POLR1F: variants seen among roughly 807,000 people sequenced by gnomAD.
The protein encoded by POLR1F is DNA-directed RNA polymerase I subunit RPA43.
Under a neutral mutation model 21.8 loss-of-function variants are expected in POLR1F, and 23 were observed. The observed-to-expected ratio is 1.05, with a 90% CI of 0.76 to 1.49. The LOEUF (loss-of-function observed/expected upper bound fraction) is 1.49. POLR1F is among the 40% of genes most tolerant of loss of function. The probability of loss-of-function intolerance (pLI) is 0.00; values close to 1 mark genes in which losing one functional copy is unlikely to be tolerated. For missense variants in POLR1F, 435 were observed against 412.1 expected (o/e 1.06, Z -0.48); for synonymous variants, 162 against 152.8 (o/e 1.06, Z -0.45).
At chr7:19,699,944 G>A in intron 3 of POLR1F, 128 bp downstream of exon 3, 1 of 716,084 alleles carries the variant, frequency 1.4e-6, no homozygotes, top group Non-Finnish European at 2.3e-6. Flanking sequence ...TTGAAAGCAT[G>A]AATATTCCTA....
rs1039501804 is a variant in POLR1F, at chr7:19,696,282, A to T, written c.*2034T>A. On this transcript the variant is annotated 3_prime_UTR_variant, in exon 4 of 4. Transcript: ENST00000222567. ...GATCTGACTTTTCAAAACTACTCAC[A>T]TTGTGAAAAAAGCAGGAACAAATCT... 2 of 152,112 alleles carry T rather than the reference A, an allele frequency of 1.3e-5. No homozygotes were observed. Among genetic ancestry groups the T allele is most frequent in the Non-Finnish European group, 2.9e-5 (2 of 67,942 alleles). The allele number at this position is 152,112 out of a possible 1,614,324, so 9.4% of individuals were successfully genotyped here.
In POLR1F at chr7:19,698,592, T is replaced by C. The variant is rs1345054039; in HGVS notation, c.741A>G (p.Leu247=). 1.9e-6 allele frequency: 3 copies of C among 1,613,522 alleles called. No individual in the cohort carries two copies. The highest frequency in any genetic ancestry group is 2.5e-6 in the Non-Finnish European group (3 of 1,179,796). Residue 247 remains leucine (L), a synonymous_variant, in exon 4 of 4, where the codon CTA becomes CTG. Coordinates refer to ENST00000222567, the MANE Select transcript of POLR1F (RefSeq NM_001002926.2). The stretch of plus-strand genomic sequence containing the variant: ...TTGGAGTGTCATCTGCATCATCTGC[T>C]AGCTTTGTGGTACCACTGTCCACTT... ...TYEVDSGTTK[L]ADDADDTPME... is the part of the protein sequence containing the mutation.
rs760138570 is a variant in POLR1F at position 19,695,716 on chromosome 7, C to G, written c.*2600G>C. On this transcript the variant is annotated 3_prime_UTR_variant, in exon 4 of 4. Coordinates refer to ENST00000222567, the MANE Select transcript of POLR1F (RefSeq NM_001002926.2). ...ATAAGAATTATGGTTATGAAGCATG[C>G]ACATTTAGCCTTGTCTGGAAAAAGT... 2 of 152,026 alleles carry G rather than the reference C, an allele frequency of 1.3e-5. No homozygotes were observed. The highest frequency in any genetic ancestry group is 2.9e-5 in the Non-Finnish European group (2 of 67,942). 9.4% of individuals were successfully genotyped at this position (152,026 alleles called of 1,614,324 possible). A position where few individuals can be genotyped will look rare whatever the true frequency, so the allele number is the denominator to read the frequency against.
At chr7:19,708,590 T>C (rs1783570040) in intron 1 of POLR1F, among the ~76,000 whole-genome samples, 173 bp downstream of exon 1, 1 of 152,144 alleles carries the variant, frequency 6.6e-6, no homozygotes, top group Non-Finnish European at 1.5e-5. Context: ...GTATAGATCT[T>C]TACCAGAGCG....
In POLR1F at chr7:19,695,687, A is replaced by T. The variant is rs896577076; in HGVS notation, c.*2629T>A. On this transcript the variant is annotated 3_prime_UTR_variant, in exon 4 of 4. Transcript: ENST00000222567. The stretch of plus-strand genomic sequence containing the variant: ...ACAAGTAGAAAAATATTTATTAAAG[A>T]AAAATAAGAATTATGGTTATGAAGC... 1 of 152,164 alleles carries T rather than the reference A, an allele frequency of 6.6e-6. No individual in the cohort carries two copies. The highest frequency in any genetic ancestry group is 1.5e-5 in the Non-Finnish European group (1 of 67,972). 9.4% of individuals were successfully genotyped at this position (152,164 alleles called of 1,614,324 possible). A position where few individuals can be genotyped will look rare whatever the true frequency, so the allele number is the denominator to read the frequency against.
intron 1 of POLR1F, among the ~76,000 whole-genome samples, chr7:19,707,377 T>C (rs534619513): frequency 3.1e-4 from 47 of 152,206 alleles, no homozygotes; most frequent in African/African-American, 1.1e-3. Flanking sequence ...AACCCCACCT[T>C]ACCCCCAAAA....
At position 19,697,372 on chromosome 7, in the gene POLR1F, G is replaced by A. The variant is rs959147419; in HGVS notation, c.*944C>T. The A allele has an allele frequency of 6.6e-6, 1 of 152,080 alleles. No individual in the cohort carries two copies. Among genetic ancestry groups the A allele is most frequent in the African/African-American group, 2.4e-5 (1 of 41,426 alleles). 9.4% of individuals were successfully genotyped at this position (152,080 alleles called of 1,614,324 possible). ...GTAGATGGTCAAGTGTGTGGAAAAT[G>A]AATAAATATGGCCATGCATTGATTA... On this transcript the variant is annotated 3_prime_UTR_variant, in exon 4 of 4. Coordinates refer to ENST00000222567, the MANE Select transcript of POLR1F (RefSeq NM_001002926.2).
At position 19,709,019 on chromosome 7, in the gene POLR1F, T is replaced by A. The variant is rs557398526; in HGVS notation, c.-3A>T. Reference sequence around the variant, plus strand: ...GCCTCTGAGCAACCTGCAGCCATGCTGCTTGTCAAGGTTCCCACGGCGCGC... The same window carrying A: ...GCCTCTGAGCAACCTGCAGCCATGCAGCTTGTCAAGGTTCCCACGGCGCGC... On this transcript the variant is annotated 5_prime_UTR_variant, in exon 1 of 4. Coordinates refer to ENST00000222567, the MANE Select transcript of POLR1F (RefSeq NM_001002926.2). 5.1e-6 allele frequency: 8 copies of A among 1,570,008 alleles called. No individual in the cohort carries two copies. In the African/African-American group the frequency reaches 6.8e-5, roughly 13 times the overall value.
chr7:19,698,270 T>G lies in POLR1F; in HGVS notation c.*46A>C. 1 of 1,495,154 alleles carries G rather than the reference T, an allele frequency of 6.7e-7. No homozygotes were observed. Among genetic ancestry groups the G allele is most frequent in the Non-Finnish European group, 8.9e-7 (1 of 1,121,796 alleles). The allele number at this position is 1,495,154 out of a possible 1,614,324, so 92.6% of individuals were successfully genotyped here. Reference sequence around the variant, plus strand: ...TCACTGAAAACATTTATTCATCTATTGTATGTAGATCGATCTTTTAAAAAC... The same window carrying G: ...TCACTGAAAACATTTATTCATCTATGGTATGTAGATCGATCTTTTAAAAAC... On this transcript the variant is annotated 3_prime_UTR_variant, in exon 4 of 4. Coordinates refer to ENST00000222567, the MANE Select transcript of POLR1F (RefSeq NM_001002926.2).
rs2090894360 is a variant in POLR1F, at chr7:19,704,923, G to A, written c.255-3C>T. On this transcript the variant is annotated splice_region_variant and splice_polypyrimidine_tract_variant and intron_variant, in intron 1 of 3. Coordinates refer to ENST00000222567, the MANE Select transcript of POLR1F (RefSeq NM_001002926.2). ...ATGCAATAGGGACACCTAAAAGGCT[G>A]TAAAAAGAAAAAGTTGAAAATGATA... The A allele has an allele frequency of 1.3e-6, 2 of 1,556,454 alleles. No homozygotes were observed. Among genetic ancestry groups the A allele is most frequent in the African/African-American group, 1.4e-5 (1 of 71,172 alleles).
chr7:19,705,060 C>T, intron 1 of POLR1F, 140 bp from the exon 2 acceptor site: 8 of 747,746 alleles, frequency 1.1e-5, no homozygotes, highest in Non-Finnish European at 1.4e-5. Context: ...ACCTCCTGGG[C>T]TCAATTGATC....
chr7:19,699,932 GTTTGAAAGCATGAATA>G (rs1783427825), intron 3 of POLR1F, 124 bp downstream of exon 3: 6 of 673,976 alleles, frequency 8.9e-6, no homozygotes, highest in Non-Finnish European at 1.2e-5. Context: ...TGACTTTATG[GTTTGAAAGCATGAATA>G]TTCCTATAAA....
At chr7:19,704,265 G>C (rs1349861662) in intron 2 of POLR1F, among the ~76,000 whole-genome samples, 2 of 152,154 alleles carry the variant, frequency 1.3e-5, no homozygotes, top group Non-Finnish European at 1.5e-5. Flanking sequence ...AGTAAAAAAG[G>C]ATCTATTTCA....
intron 1 of POLR1F, among the ~76,000 whole-genome samples, chr7:19,706,010 G>T (rs1433880212): frequency 6.6e-6 from 1 of 152,120 alleles, no homozygotes; most frequent in Non-Finnish European, 1.5e-5. Context: ...TAATTGTATT[G>T]AACCTATCTG....
intron 2 of POLR1F, among the ~76,000 whole-genome samples, chr7:19,702,208 T>C (rs1330371551): frequency 6.6e-6 from 1 of 152,196 alleles, no homozygotes; most frequent in Non-Finnish European, 1.5e-5. Context: ...TGCAAGTTAA[T>C]GTTGATAATA....
intron 2 of POLR1F, among the ~76,000 whole-genome samples, chr7:19,702,742 G>A (rs148700149): frequency 2.0e-5 from 3 of 152,176 alleles, no homozygotes; most frequent in East Asian, 3.9e-4. Flanking sequence ...ATTAAAAATG[G>A]GCAAAATACT....
At chr7:19,699,947 T>C in intron 3 of POLR1F, 125 bp downstream of exon 3, 1 of 728,774 alleles carries the variant, frequency 1.4e-6, no homozygotes, top group Non-Finnish European at 2.2e-6. Context: ...AAAGCATGAA[T>C]ATTCCTATAA....
chr7:19,698,851 C>A, intron 3 of POLR1F, 124 bp from the exon 4 acceptor site: 1 of 683,992 alleles, frequency 1.5e-6, no homozygotes. Context: ...GACACATAAC[C>A]ATGGCATAAA....
intron 2 of POLR1F, among the ~76,000 whole-genome samples, chr7:19,703,525 G>C (rs759224188): frequency 7.2e-5 from 11 of 152,120 alleles, no homozygotes; most frequent in Non-Finnish European, 1.5e-4. Flanking sequence ...GATTAAAAGG[G>C]ATATTTTTCA....
Sources: gnomAD v4.1 joint callset for allele counts (sites outside exome capture counted in the v4.1 genomes callset) on GRCh38, gnomAD v4.1.1 for gene constraint, MANE v1.5 for transcripts, NCBI Gene and HGNC (gene_info 2026-07-23, HGNC 2026-07-21) for gene names.